Variants in OPRM1 observed in about 807,000 individuals in gnomAD.
OPRM1 encodes the protein mu-type opioid receptor.
OPRM1 carries 27 observed loss-of-function variants against 31.8 expected under a neutral mutation model. The ratio of observed to expected loss-of-function variants is 0.85; its 90% CI spans 0.63 to 1.17. OPRM1 has a LOEUF of 1.17. Among genes scored for constraint, OPRM1 ranks in the 50% most tolerant of loss-of-function variants. The pLI is 0.00. For missense variants in OPRM1, 536 were observed against 511.1 expected, an observed-to-expected ratio of 1.05 and a Z score of -0.47; for synonymous variants, 196 against 189.9, an observed-to-expected ratio of 1.03 and a Z score of -0.26.
intron 3 of OPRM1, chr6:154,091,736 T>G (rs2128487781): frequency 8.3e-7 from 1 of 1,201,786 alleles, no homozygotes; most frequent in South Asian, 3.1e-5. Context: ...TGGCCTTTAC[T>G]TCTATGCAAA....
intron 1 of OPRM1, among the ~76,000 whole-genome samples, chr6:154,045,145 G>T (rs114955591): frequency 6.6e-6 from 1 of 151,872 alleles, no homozygotes; most frequent in African/African-American, 2.4e-5. Context: ...AGAATTTCTT[G>T]TACCCAGAGG....
chr6:154,068,692 A>G (rs1334115954), intron 1 of OPRM1, among the ~76,000 whole-genome samples: 1 of 152,074 alleles, frequency 6.6e-6, no homozygotes, highest in African/African-American at 2.4e-5. Context: ...TCTTCAACAT[A>G]TTTATTTTGT....
intron 3 of OPRM1, among the ~76,000 whole-genome samples, chr6:154,153,607 C>G (rs1798602076): frequency 6.6e-6 from 1 of 151,752 alleles, no homozygotes; most frequent in South Asian, 2.1e-4. Flanking sequence ...ATCACTTGAA[C>G]CCGGGAGGCG....
intron 1 of OPRM1, among the ~76,000 whole-genome samples, chr6:154,020,978 A>G (rs1329667087): frequency 6.6e-6 from 1 of 152,224 alleles, no homozygotes; most frequent in Non-Finnish European, 1.5e-5. Flanking sequence ...AGTACAGCTT[A>G]TCAATTATTT....
intron 3 of OPRM1, among the ~76,000 whole-genome samples, chr6:154,231,972 C>T (rs1214338667): frequency 2.6e-5 from 4 of 152,212 alleles, no homozygotes; most frequent in South Asian, 2.1e-4. Flanking sequence ...TTTGACTATA[C>T]GTATTTCATG....
At chr6:154,155,781 A>T (rs1798688556) in intron 3 of OPRM1, 2 of 152,246 alleles carry the variant, frequency 1.3e-5, no homozygotes, top group African/African-American at 4.8e-5. Context: ...ACTCTGTCTA[A>T]AAAAAGAAAA....
At chr6:154,199,567 C>A in intron 3 of OPRM1, 1 of 1,317,048 alleles carries the variant, frequency 7.6e-7, no homozygotes, top group Non-Finnish European at 1.0e-6. Context: ...ATTGAATCAT[C>A]ATTCATGAGT....
At chr6:154,205,555 A>G (rs1777423829) in intron 3 of OPRM1, among the ~76,000 whole-genome samples, 1 of 152,200 alleles carries the variant, frequency 6.6e-6, no homozygotes, top group East Asian at 1.9e-4. Context: ...AAATCACACC[A>G]CTGCACTCTA....
intron 1 of OPRM1, among the ~76,000 whole-genome samples, chr6:154,020,650 A>G (rs1194495693): frequency 6.6e-6 from 1 of 152,182 alleles, no homozygotes; most frequent in Non-Finnish European, 1.5e-5. Flanking sequence ...CAGCTCTACC[A>G]TCACGCATTC....
rs1230980075 is a variant in OPRM1 at position 154,121,087 on chromosome 6, T to C, written c.*2366T>C. On this transcript the variant is annotated 3_prime_UTR_variant, in exon 4 of 4. Coordinates refer to ENST00000330432, the MANE Select transcript of OPRM1 (RefSeq NM_000914.5). Reference sequence around the variant, plus strand: ...CTGACTCAACTGGATGGGCTAAGGTTTCTGATAAAATCTGAAGATAAAGAA... The same window carrying C: ...CTGACTCAACTGGATGGGCTAAGGTCTCTGATAAAATCTGAAGATAAAGAA... Among the ~76,000 whole-genome samples the C allele has an allele frequency of 6.6e-6, 1 of 152,178 alleles. No individual in the cohort carries two copies. Among genetic ancestry groups the C allele is most frequent in the Non-Finnish European group, 1.5e-5 (1 of 68,026 alleles).
chr6:154,100,097 TATG>T (rs1283613128), intron 3 of OPRM1, among the ~76,000 whole-genome samples: 2 of 58,396 alleles, frequency 3.4e-5, no homozygotes, highest in Non-Finnish European at 6.5e-5. Context: ...ATTATCATAT[TATG>T]ATATATATAT....
chr6:154,201,034 A>G (rs1053942594), intron 3 of OPRM1, among the ~76,000 whole-genome samples: 3 of 152,100 alleles, frequency 2.0e-5, no homozygotes, highest in African/African-American at 7.2e-5. Flanking sequence ...TGATAGTTTA[A>G]AAGTGTTTGG....
At chr6:154,117,082 T>G (rs1221235020) in intron 3 of OPRM1, among the ~76,000 whole-genome samples, 1 of 152,186 alleles carries the variant, frequency 6.6e-6, no homozygotes, top group Non-Finnish European at 1.5e-5. Context: ...AACCTCCATC[T>G]ATTGACTCAA....
At chr6:154,161,183 C>A (rs978503241) in intron 3 of OPRM1, among the ~76,000 whole-genome samples, 1 of 151,494 alleles carries the variant, frequency 6.6e-6, no homozygotes, top group African/African-American at 2.4e-5. Flanking sequence ...ACTTTCCAGT[C>A]TTTCTTTACC....
intron 3 of OPRM1, among the ~76,000 whole-genome samples, chr6:154,172,221 C>T (rs1265149509): frequency 1.3e-5 from 2 of 152,208 alleles, no homozygotes; most frequent in Non-Finnish European, 2.9e-5. Flanking sequence ...CCAGTGAAAT[C>T]AATGCAGAAG....
chr6:154,038,248 A>T (rs1779436260), upstream of OPRM1, among the ~76,000 whole-genome samples: 1 of 152,174 alleles, frequency 6.6e-6, no homozygotes, highest in Non-Finnish European at 1.5e-5. Context: ...TTCAATGTTT[A>T]TGGTTAAAAG....
intron 1 of OPRM1, among the ~76,000 whole-genome samples, chr6:154,030,908 A>G (rs1778974125): frequency 6.6e-6 from 1 of 150,462 alleles, no homozygotes; most frequent in South Asian, 2.1e-4. Flanking sequence ...GTCACAGAAC[A>G]GATAAATACA....
chr6:154,237,105 C>A (rs1583873799), intron 3 of OPRM1, among the ~76,000 whole-genome samples: 1 of 152,154 alleles, frequency 6.6e-6, no homozygotes, highest in African/African-American at 2.4e-5. Context: ...GTAGAAGAAG[C>A]AGCTGGAACC....
At chr6:154,195,814 C>T (rs1269410309) in intron 3 of OPRM1, among the ~76,000 whole-genome samples, 3 of 137,356 alleles carry the variant, frequency 2.2e-5, no homozygotes, top group East Asian at 2.1e-4. Flanking sequence ...TTTTTTGAAA[C>T]GGAGTCTTGC....
Sources: allele counts gnomAD v4.1 joint callset (sites outside exome capture counted in the v4.1 genomes callset), GRCh38; gene constraint gnomAD v4.1.1; transcripts MANE v1.5; gene names NCBI Gene and HGNC (gene_info 2026-07-23, HGNC 2026-07-21).